XKR6: variants seen among roughly 807,000 people sequenced by gnomAD.
XKR6 encodes the protein XK-related protein 6.
A neutral mutation model predicts 56.7 loss-of-function variants in XKR6; 22 were observed. The ratio of observed to expected loss-of-function variants is 0.39; its 90% CI spans 0.28 to 0.55. The LOEUF is 0.55. XKR6 is among the 20% of genes least tolerant of loss of function. The probability of loss-of-function intolerance (pLI) is 0.66; values close to 1 mark genes in which losing one functional copy is unlikely to be tolerated. For missense variants in XKR6, 852 were observed against 889.0 expected, an observed-to-expected ratio of 0.96 and a Z score of 0.53; for synonymous variants, 524 against 387.8, an observed-to-expected ratio of 1.35 and a Z score of -4.13.
At chr8:10,959,459 T>TTCTGGAG (rs1801997590) in intron 1 of XKR6, among the ~76,000 whole-genome samples, 1 of 152,234 alleles carries the variant, frequency 6.6e-6, no homozygotes, top group African/African-American at 2.4e-5. Context: ...TTTCTCACAA[T>TTCTGGAG]TCTGGAGTCT....
intron 1 of XKR6, among the ~76,000 whole-genome samples, chr8:11,064,517 G>A (rs1217926303): frequency 2.6e-5 from 4 of 152,188 alleles, no homozygotes; most frequent in Non-Finnish European, 4.4e-5. Context: ...TTAGTCAAAA[G>A]CATACCGCAA....
Position 10,904,792 on chromosome 8 carries a change from A to G in XKR6, c.962-5876T>C, listed in dbSNP as rs112081686. Among the ~76,000 whole-genome samples, 537 of 152,312 alleles carry G rather than the reference A, an allele frequency of 3.5e-3. 6 individuals are homozygous for G. Among genetic ancestry groups the G allele is most frequent in the African/African-American group, 0.012 (491 of 41,570 alleles). On this transcript the variant is annotated intron_variant, in intron 2 of 2. Transcript: ENST00000416569. ...GGGGGAAGGCATGCTCCAGAAAGCC[A>G]CAGGAGTGCCTAGAGATGGTCACCA...
Position 11,200,944 on chromosome 8 carries a change from G to A in XKR6, c.396C>T (p.Ile132=), listed in dbSNP as rs1804189052. The change falls in exon 1 of 3, where the codon ATC becomes ATT. Residue 132 remains isoleucine, a synonymous_variant. Transcript: ENST00000416569. This position sits in a 1 kb window ranked among gnomAD's most constrained non-coding sequence, Gnocchi z 6.4. ...CGAAGAACACCAGCAGCGCCAGCAC[G>A]ATCCACAGGCAGTCGAGCCACGGCC... ...VERPWLDCLW[I]VLALLVFFGD... is the part of the protein sequence containing the mutation. The A allele has an allele frequency of 6.2e-7, 1 of 1,601,156 alleles. No individual in the cohort carries two copies. Among genetic ancestry groups the A allele is most frequent in the Non-Finnish European group, 8.5e-7 (1 of 1,177,212 alleles).
At position 10,898,741 on chromosome 8, in the gene XKR6, A is replaced by G. The variant is rs764209317; in HGVS notation, c.1137T>C (p.Ala379=). ...TCCCAAAATAGAGCTGGAAGATGGA[A>G]GCAAAGAGGGCAAAAGAGATCACTC... ...SSRVISFALF[A]SIFQLYFGIF... The change falls in exon 3 of 3, where the codon GCT becomes GCC. Residue 379 remains alanine (A), a synonymous_variant. Transcript: ENST00000416569. The surrounding 1 kb of genome is among the most constrained non-coding windows in gnomAD (Gnocchi z 6.6). The G allele has an allele frequency of 2.5e-6, 4 of 1,614,126 alleles. No individual in the cohort carries two copies. In the South Asian group the frequency reaches 4.4e-5, roughly 18 times the overall value.
At chr8:11,127,196 G>A (rs898675104) in intron 1 of XKR6, among the ~76,000 whole-genome samples, 1 of 152,136 alleles carries the variant, frequency 6.6e-6, no homozygotes, top group African/African-American at 2.4e-5. Context: ...CCAGACTGTG[G>A]TCAGATTCAG....
At chr8:11,042,313 T>C (rs1196747923) in intron 1 of XKR6, among the ~76,000 whole-genome samples, 2 of 151,928 alleles carry the variant, frequency 1.3e-5, no homozygotes, top group East Asian at 3.9e-4. Flanking sequence ...CCCACCCAAA[T>C]CTCATCTTGA....
Position 11,200,441 on chromosome 8 carries a change from C to T in XKR6, c.764+135G>A. ...TCAAACGCCGGTCTTTTGGAGACGC[C>T]AGGGGCGGCGCGCGGCCGGTCCCTC... On this transcript the variant is annotated intron_variant, in intron 1 of 2. Transcript: ENST00000416569. This position sits in a 1 kb window ranked among gnomAD's most constrained non-coding sequence, Gnocchi z 6.4. 8.4e-7 allele frequency: 1 copy of T among 1,190,818 alleles called. No homozygotes were observed. Among genetic ancestry groups the T allele is most frequent in the Non-Finnish European group, 1.1e-6 (1 of 922,038 alleles). 73.8% of individuals were successfully genotyped at this position (1,190,818 alleles called of 1,614,324 possible). A position where few individuals can be genotyped will look rare whatever the true frequency, so the allele number is the denominator to read the frequency against.
At chr8:11,145,604 G>A (rs1638461416) in intron 1 of XKR6, among the ~76,000 whole-genome samples, 2 of 152,156 alleles carry the variant, frequency 1.3e-5, no homozygotes, top group South Asian at 4.1e-4. Flanking sequence ...ATAGGACAAT[G>A]ACATTAATAG....
chr8:11,046,465 T>C (rs7815495), intron 1 of XKR6, among the ~76,000 whole-genome samples: 3 of 151,924 alleles, frequency 2.0e-5, no homozygotes, highest in Non-Finnish European at 4.4e-5. Context: ...AAAGAAATAT[T>C]TGTACCCTTT....
chr8:11,067,618 T>G (rs1800014226), intron 1 of XKR6, among the ~76,000 whole-genome samples: 1 of 152,242 alleles, frequency 6.6e-6, no homozygotes, highest in South Asian at 2.1e-4. Flanking sequence ...CCACCCACAG[T>G]GCTGATTCTC....
At chr8:11,046,493 T>A (rs1586473063) in intron 1 of XKR6, among the ~76,000 whole-genome samples, 1 of 152,152 alleles carries the variant, frequency 6.6e-6, no homozygotes, top group African/African-American at 2.4e-5. Context: ...CATTATAATG[T>A]TCCTAGCAAC....
chr8:11,052,122 A>C (rs1799565226), intron 1 of XKR6, among the ~76,000 whole-genome samples: 4 of 151,620 alleles, frequency 2.6e-5, no homozygotes. Flanking sequence ...TGCTCCAACC[A>C]AACTGGCTTC....
chr8:11,081,360 T>C (rs1251011596), intron 1 of XKR6, among the ~76,000 whole-genome samples: 3 of 152,308 alleles, frequency 2.0e-5, no homozygotes, highest in African/African-American at 7.2e-5. Flanking sequence ...CAATGTCAAA[T>C]AGGTTATCCC....
intron 1 of XKR6, among the ~76,000 whole-genome samples, chr8:11,006,802 G>A (rs532161927): frequency 6.6e-6 from 1 of 152,164 alleles, no homozygotes; most frequent in South Asian, 2.1e-4. Flanking sequence ...AGTTCCCTGT[G>A]GCTGCCGCTG....
chr8:10,976,779 GTCTC>G (rs371557861), intron 1 of XKR6, among the ~76,000 whole-genome samples: 4 of 136,588 alleles, frequency 2.9e-5, no homozygotes, highest in Non-Finnish European at 4.8e-5. Context: ...CTCTCTCTCT[GTCTC>G]TCTCTCTCTC....
At chr8:11,153,261 T>G (rs1165621038) in intron 1 of XKR6, among the ~76,000 whole-genome samples, 1 of 152,152 alleles carries the variant, frequency 6.6e-6, no homozygotes, top group Non-Finnish European at 1.5e-5. Flanking sequence ...ACCAATTTAC[T>G]GGGTCAAGAG....
At chr8:11,192,034 T>G (rs540138701) in intron 1 of XKR6, among the ~76,000 whole-genome samples, 1 of 152,284 alleles carries the variant, frequency 6.6e-6, no homozygotes, top group South Asian at 2.1e-4. Context: ...TATATCTATA[T>G]TAACAACTGG....
At chr8:11,161,384 G>A (rs968258728) in intron 1 of XKR6, among the ~76,000 whole-genome samples, 12 of 152,108 alleles carry the variant, frequency 7.9e-5, no homozygotes, top group Non-Finnish European at 1.5e-4. Flanking sequence ...CTCCTCACCT[G>A]AACCAGCCTA....
At chr8:11,061,393 G>A (rs1351761565) in intron 1 of XKR6, among the ~76,000 whole-genome samples, 1 of 152,078 alleles carries the variant, frequency 6.6e-6, no homozygotes, top group Admixed American at 6.5e-5. Flanking sequence ...CTGAACCTGG[G>A]GAGGCTGAGG....
Sources: gnomAD v4.1 joint callset for allele counts (sites outside exome capture counted in the v4.1 genomes callset) on GRCh38, gnomAD v4.1.1 for gene constraint, Gnocchi (gnomAD v3.1) non-coding constraint, MANE v1.5 for transcripts, NCBI Gene and HGNC (gene_info 2026-07-23, HGNC 2026-07-21) for gene names.